Variants in STON2 observed in about 807,000 individuals in gnomAD.
The protein encoded by STON2 is stonin 2, also known as stonin-2.
STON2 carries 29 observed loss-of-function variants against 65.7 expected under a neutral mutation model. The observed-to-expected ratio is 0.44, with a 90% CI of 0.33 to 0.60. The LOEUF is 0.60. STON2 is among the 20% of genes least tolerant of loss of function. STON2 has a pLI of 0.03. For missense variants in STON2, 1,054 were observed against 1,118.1 expected, an observed-to-expected ratio of 0.94 and a Z score of 0.82; for synonymous variants, 404 against 414.2, an observed-to-expected ratio of 0.98 and a Z score of 0.30.
At chr14:81,280,682 G>A (rs914377312) in intron 5 of STON2, among the ~76,000 whole-genome samples, 1 of 152,138 alleles carries the variant, frequency 6.6e-6, no homozygotes, top group African/African-American at 2.4e-5. Context: ...TATTCAAACA[G>A]ATAGCAATTC....
intron 3 of STON2, among the ~76,000 whole-genome samples, chr14:81,389,441 T>A (rs1224472759): frequency 6.6e-6 from 1 of 152,214 alleles, no homozygotes; most frequent in East Asian, 1.9e-4. Flanking sequence ...TCTACATGAG[T>A]GAAGCTATAG....
chr14:81,278,677 T>C lies in STON2; in HGVS notation c.805A>G (p.Ser269Gly). 2 of 1,527,630 alleles carry C rather than the reference T, an allele frequency of 1.3e-6. No homozygotes were observed. Among genetic ancestry groups the C allele is most frequent in the Non-Finnish European group, 1.8e-6 (2 of 1,139,808 alleles). 94.6% of individuals were successfully genotyped at this position (1,527,630 alleles called of 1,614,324 possible). The change falls in exon 6 of 8, where the codon AGC becomes GGC. Residue 269 changes from serine to glycine, a missense_variant. Ser to Gly is a moderately conservative substitution (Grantham distance 56). Coordinates refer to ENST00000614646, the MANE Select transcript of STON2 (RefSeq NM_001394390.1). ...VEMEAISWQASSPAMNGHPAP... is the reference protein window; with the variant it reads ...VEMEAISWQAGSPAMNGHPAP... ...GGGTGCCCATTCATGGCTGGACTGCTGGCCTGCCAGCTGATGGCCTCCATC... is the reference window on the plus strand; with the variant it reads ...GGGTGCCCATTCATGGCTGGACTGCCGGCCTGCCAGCTGATGGCCTCCATC...
chr14:81,301,954 G>A (rs1202833980), intron 5 of STON2, among the ~76,000 whole-genome samples: 1 of 152,134 alleles, frequency 6.6e-6, no homozygotes, highest in African/African-American at 2.4e-5. Context: ...TAAGCCCATG[G>A]TGATTTGCTA....
rs1205272056 is a variant in STON2, at chr14:81,267,285, G to A, written c.*1129C>T. 1.0e-6 allele frequency: 1 copy of A among 985,252 alleles called. No individual in the cohort carries two copies. Among genetic ancestry groups the A allele is most frequent in the Admixed American group, 6.2e-5 (1 of 16,254 alleles). The allele number at this position is 985,252 out of a possible 1,614,324, so 61.0% of individuals were successfully genotyped here. On this transcript the variant is annotated 3_prime_UTR_variant, in exon 8 of 8. Coordinates refer to ENST00000614646, the MANE Select transcript of STON2 (RefSeq NM_001394390.1). ...TCAGAATATAATGTTCCCAACATTA[G>A]AAAAATATGGCTTTTCCACGTCTCT... is the stretch of plus-strand genomic sequence containing the variant.
intron 6 of STON2, among the ~76,000 whole-genome samples, chr14:81,273,462 C>T (rs1324029960): frequency 1.3e-5 from 2 of 152,166 alleles, no homozygotes; most frequent in Admixed American, 6.5e-5. Context: ...CAAAGAAAGC[C>T]ACTTATGCAG....
intron 4 of STON2, among the ~76,000 whole-genome samples, chr14:81,358,419 C>G (rs1211206232): frequency 1.3e-5 from 2 of 151,808 alleles, no homozygotes; most frequent in Non-Finnish European, 2.9e-5. Flanking sequence ...AGCAAAAGTA[C>G]AAAGGATCAA....
rs567553014 is a variant in STON2, at chr14:81,287,490, G to A, written c.743-8751C>T. On this transcript the variant is annotated intron_variant, in intron 5 of 7. Transcript: ENST00000614646. ...CCACATTCTCATTTTTACTTACTAAGGTGACCTATGAAGCAGTACTGCGCA... is the reference window on the plus strand; with the variant it reads ...CCACATTCTCATTTTTACTTACTAAAGTGACCTATGAAGCAGTACTGCGCA... Among the ~76,000 whole-genome samples, 91 of 152,266 alleles carry A rather than the reference G, an allele frequency of 6.0e-4. 1 individual carries two copies. Among genetic ancestry groups the A allele is most frequent in the Non-Finnish European group, 1.0e-3 (70 of 68,018 alleles).
intron 5 of STON2, among the ~76,000 whole-genome samples, chr14:81,283,366 T>TA (rs1416731881): frequency 1.3e-5 from 2 of 152,130 alleles, no homozygotes; most frequent in Non-Finnish European, 1.5e-5. Context: ...ACCTAATTTG[T>TA]AAAAAAACCA....
chr14:81,318,226 A>T (rs1275340718), intron 5 of STON2, among the ~76,000 whole-genome samples: 1 of 152,134 alleles, frequency 6.6e-6, no homozygotes, highest in Non-Finnish European at 1.5e-5. Flanking sequence ...GGCCACTCAA[A>T]GTGCTGGGAT....
rs543123176 is a variant in STON2 at position 81,345,044 on chromosome 14, G to A, written c.572-20857C>T. 7.2e-4 allele frequency among the ~76,000 whole-genome samples: 110 copies of A among 152,292 alleles called. No homozygotes were observed. The South Asian group carries it at 9.5e-3, about 13-fold the overall frequency. On this transcript the variant is annotated intron_variant, in intron 4 of 7. Coordinates refer to ENST00000614646, the MANE Select transcript of STON2 (RefSeq NM_001394390.1). Reference sequence around the variant, plus strand: ...TTCCTCCTTATTACATCTGTGGGAAGTAAGCTATAAATGTTGGATCCAAAA... The same window carrying A: ...TTCCTCCTTATTACATCTGTGGGAAATAAGCTATAAATGTTGGATCCAAAA...
chr14:81,291,734 G>A (rs113744855), intron 5 of STON2, among the ~76,000 whole-genome samples: 35 of 151,246 alleles, frequency 2.3e-4, no homozygotes, highest in African/African-American at 7.5e-4. Flanking sequence ...TAGTTTATTA[G>A]AATAAACTAA....
intron 5 of STON2, among the ~76,000 whole-genome samples, chr14:81,310,450 C>G (rs190083767): frequency 5.5e-4 from 84 of 152,242 alleles, no homozygotes; most frequent in African/African-American, 1.8e-3. Context: ...CCAGTGTGAG[C>G]AGCATCTCCT....
intron 4 of STON2, chr14:81,333,050 A>C (rs899493119): frequency 1.5e-6 from 1 of 655,460 alleles, no homozygotes; most frequent in African/African-American, 1.8e-5. Context: ...TGCTTTCTTG[A>C]GTTCTTTTTC....
chr14:81,303,860 G>A (rs1199506905), intron 5 of STON2, among the ~76,000 whole-genome samples: 1 of 152,146 alleles, frequency 6.6e-6, no homozygotes, highest in African/African-American at 2.4e-5. Flanking sequence ...CGCATATACA[G>A]AAAAGTGCAC....
At chr14:81,390,241 T>C (rs1286429895) in intron 3 of STON2, among the ~76,000 whole-genome samples, 1 of 150,488 alleles carries the variant, frequency 6.6e-6, no homozygotes, top group African/African-American at 2.4e-5. Flanking sequence ...CAAGTAGTGG[T>C]TGAAAGACAA....
chr14:81,302,492 G>C (rs1009167659), intron 5 of STON2, among the ~76,000 whole-genome samples: 1 of 152,234 alleles, frequency 6.6e-6, no homozygotes, highest in Non-Finnish European at 1.5e-5. Flanking sequence ...AACTCAGAAA[G>C]TGTTTGCAAG....
chr14:81,283,729 CTG>C (rs1470361156), intron 5 of STON2, among the ~76,000 whole-genome samples: 2 of 152,124 alleles, frequency 1.3e-5, no homozygotes, highest in Non-Finnish European at 2.9e-5. Flanking sequence ...CGGGGTTTCA[CTG>C]TGTTAGCCAG....
chr14:81,402,544 G>A (rs1226659958), upstream of STON2, among the ~76,000 whole-genome samples: 3 of 152,104 alleles, frequency 2.0e-5, no homozygotes, highest in Non-Finnish European at 4.4e-5. Context: ...GGAAAGGAGG[G>A]GTCTGAGCAA....
At chr14:81,435,364 G>A (rs970085552) in intron 1 of STON2, among the ~76,000 whole-genome samples, 5 of 152,132 alleles carry the variant, frequency 3.3e-5, no homozygotes, top group Non-Finnish European at 5.9e-5. Context: ...CATCCACTCC[G>A]TATAATAAAT....
Sources: allele counts gnomAD v4.1 joint callset (sites outside exome capture counted in the v4.1 genomes callset), GRCh38; gene constraint gnomAD v4.1.1; transcripts MANE v1.5; gene names NCBI Gene and HGNC (gene_info 2026-07-23, HGNC 2026-07-21).